The following SCN1A variants were observed in gnomAD, a reference collection of about 807,000 sequenced individuals.
SCN1A encodes the protein sodium voltage-gated channel alpha subunit 1, also known as sodium channel protein type 1 subunit alpha.
SCN1A carries 13 observed loss-of-function variants against 193.7 expected under a neutral mutation model. The ratio of observed to expected loss-of-function variants is 0.07; its 90% CI spans 0.04 to 0.11. SCN1A has a LOEUF of 0.11. Ranked by LOEUF, SCN1A falls within the 10% of genes least tolerant of loss-of-function variation. The pLI is 1.00. For synonymous variants in SCN1A, 781 were observed against 843.6 expected (o/e 0.93, Z 1.29); for missense variants, 1,432 against 2,451.1 (o/e 0.58, Z 8.78).
intron 19 of SCN1A, among the ~76,000 whole-genome samples, chr2:166,027,754 G>A (rs1338440217): frequency 6.6e-6 from 1 of 151,794 alleles, no homozygotes. Flanking sequence ...GCTAAAATGA[G>A]GTTCTCTACA....
chr2:166,130,359 C>T (rs1227160244), upstream of SCN1A, among the ~76,000 whole-genome samples: 12 of 152,192 alleles, frequency 7.9e-5, no homozygotes, highest in African/African-American at 1.2e-4. Context: ...GATCAAAACC[C>T]TCCCTTTGTG....
chr2:166,091,693 G>A (rs1224024150), intron 2 of SCN1A, among the ~76,000 whole-genome samples: 1 of 152,200 alleles, frequency 6.6e-6, no homozygotes. Context: ...GGAAGGCAGA[G>A]AAGTCAACTT....
chr2:166,145,096 A>G (rs1692256322), intron 1 of SCN1A, among the ~76,000 whole-genome samples: 1 of 150,810 alleles, frequency 6.6e-6, no homozygotes. Flanking sequence ...TTGGTCTCCC[A>G]AAGTGTTGGG....
At chr2:166,090,139 G>A (rs993844891) in intron 2 of SCN1A, among the ~76,000 whole-genome samples, 5 of 140,150 alleles carry the variant, frequency 3.6e-5, no homozygotes, top group Non-Finnish European at 6.1e-5. Flanking sequence ...TTCTGGCCCC[G>A]AGTGATACTC....
intron 2 of SCN1A, among the ~76,000 whole-genome samples, chr2:166,088,371 G>A (rs551374730): frequency 6.6e-6 from 1 of 152,102 alleles, no homozygotes; most frequent in Non-Finnish European, 1.5e-5. Flanking sequence ...CCTATTTTCA[G>A]GTGTCAATGA....
At chr2:166,017,386 G>A (rs1693445131) in intron 19 of SCN1A, among the ~76,000 whole-genome samples, 3 of 151,966 alleles carry the variant, frequency 2.0e-5, no homozygotes, top group Admixed American at 2.0e-4. Flanking sequence ...GACAAACGAA[G>A]AGAATCACCT....
chr2:166,120,153 A>G (rs1690369642), intron 2 of SCN1A, among the ~76,000 whole-genome samples: 1 of 143,048 alleles, frequency 7.0e-6, no homozygotes, highest in Admixed American at 7.1e-5. Flanking sequence ...GTAATATTCT[A>G]TTTAAATTTT....
At chr2:166,147,998 A>G (rs548476923) in intron 1 of SCN1A, among the ~76,000 whole-genome samples, 1 of 152,302 alleles carries the variant, frequency 6.6e-6, no homozygotes, top group Non-Finnish European at 1.5e-5. Context: ...AGAGACACCA[A>G]AACAAATGAT....
intron 1 of SCN1A, among the ~76,000 whole-genome samples, chr2:166,135,497 G>A (rs79712933): frequency 6.1e-4 from 93 of 152,246 alleles, no homozygotes; most frequent in African/African-American, 1.7e-3. Flanking sequence ...TACAAGTGTC[G>A]CTAGAATTAG....
chr2:166,143,676 A>G (rs1402509336), intron 1 of SCN1A, among the ~76,000 whole-genome samples: 1 of 152,214 alleles, frequency 6.6e-6, no homozygotes, highest in African/African-American at 2.4e-5. Flanking sequence ...TCCTTTACCT[A>G]GAATATTATA....
At chr2:166,086,890 T>C (rs144550780) in intron 2 of SCN1A, among the ~76,000 whole-genome samples, 169 of 152,256 alleles carry the variant, frequency 1.1e-3, no homozygotes, top group African/African-American at 3.5e-3. Flanking sequence ...CACAGATTTG[T>C]ATAGAGTGGA....
intron 19 of SCN1A, among the ~76,000 whole-genome samples, chr2:166,026,234 T>C (rs1445869980): frequency 6.6e-6 from 1 of 152,128 alleles, no homozygotes; most frequent in African/African-American, 2.4e-5. Context: ...TTGTCATCTA[T>C]TTTTTAAAAT....
rs1388951317 is a variant in SCN1A at position 166,015,613 on chromosome 2, T to C, written c.3544A>G (p.Thr1182Ala). ...EETLEPEACF[T>A]EGCVQRFKCC... ...TTAGGATTCTTTTCTTTACCTTCAG[T>C]GAAACAAGCTTCTGGTTCAAGAGTT... Residue 1182 changes from threonine to alanine, a missense_variant, in exon 20 of 29, where the codon ACT (threonine) becomes GCT (alanine). Physicochemically the swap from Thr to Ala is moderately conservative, Grantham distance 58. Around this residue, in one of 18 missense-constraint regions of SCN1A, gnomAD observed 198 missense variants for 225.8 expected, o/e 0.88. Transcript: ENST00000674923. 6.2e-7 allele frequency: 1 copy of C among 1,612,646 alleles called. No homozygotes were observed. Among genetic ancestry groups the C allele is most frequent in the South Asian group, 1.1e-5 (1 of 91,070 alleles).
chr2:166,111,017 G>A (rs1268898111), intron 2 of SCN1A, among the ~76,000 whole-genome samples: 1 of 152,076 alleles, frequency 6.6e-6, no homozygotes, highest in African/African-American at 2.4e-5. Context: ...CCGTTAAACT[G>A]CTTTCCTTTA....
At chr2:166,146,600 C>A (rs1454724544) in intron 1 of SCN1A, among the ~76,000 whole-genome samples, 1 of 152,164 alleles carries the variant, frequency 6.6e-6, no homozygotes, top group African/African-American at 2.4e-5. Flanking sequence ...GGACAGACCC[C>A]ACAGCGAAGA....
chr2:166,011,894 G>C (rs187221494), intron 22 of SCN1A, among the ~76,000 whole-genome samples: 91 of 151,332 alleles, frequency 6.0e-4, no homozygotes, highest in African/African-American at 2.1e-3. Flanking sequence ...CAGATAACTA[G>C]AGAACTACCA....
chr2:166,022,215 T>C (rs1694167588), intron 19 of SCN1A, among the ~76,000 whole-genome samples: 1 of 152,152 alleles, frequency 6.6e-6, no homozygotes, highest in South Asian at 2.1e-4. Flanking sequence ...GGGGAAATTA[T>C]GTGGAATTTA....
chr2:166,034,425 CA>C (rs1574158385), intron 19 of SCN1A, among the ~76,000 whole-genome samples: 3 of 152,128 alleles, frequency 2.0e-5, no homozygotes, highest in African/African-American at 7.2e-5. Flanking sequence ...TATCAAAATG[CA>C]ATGGACATGA....
upstream of SCN1A, among the ~76,000 whole-genome samples, chr2:166,130,802 T>C (rs1048609639): frequency 2.0e-5 from 3 of 152,180 alleles, no homozygotes; most frequent in Admixed American, 1.3e-4. Flanking sequence ...CTGAAGCAGT[T>C]TTACAGTATT....
Sources: gnomAD v4.1 joint callset for allele counts (sites outside exome capture counted in the v4.1 genomes callset) on GRCh38, gnomAD v4.1.1 for gene constraint, gnomAD v4.1.1 regional missense constraint, MANE v1.5 for transcripts, NCBI Gene and HGNC (gene_info 2026-07-23, HGNC 2026-07-21) for gene names.